WNK1: variants seen among roughly 807,000 people sequenced by gnomAD.
WNK1 encodes the protein WNK lysine deficient protein kinase 1.
Under a neutral mutation model 222.8 loss-of-function variants are expected in WNK1, and 38 were observed. The observed-to-expected ratio is 0.17, with a 90% confidence interval of 0.13 to 0.22. The LOEUF (loss-of-function observed/expected upper bound fraction) is 0.22, where lower values mean the gene tolerates loss of function less well. WNK1 is among the 10% of genes least tolerant of loss of function. WNK1 has a pLI of 1.00. For synonymous variants in WNK1, 1,090 were observed against 1,092.9 expected (o/e 1.00, Z 0.05); for missense variants, 2,348 against 2,918.4 (o/e 0.80, Z 4.50).
intron 26 of WNK1, among the ~76,000 whole-genome samples, chr12:905,816 C>G (rs1955647974): frequency 6.6e-6 from 1 of 152,226 alleles, no homozygotes; most frequent in African/African-American, 2.4e-5. Flanking sequence ...TTACTCTTCC[C>G]TTCACACTGT....
intron 4 of WNK1, chr12:851,314 T>C (rs934909509): frequency 1.0e-6 from 1 of 972,816 alleles, no homozygotes; most frequent in Admixed American, 5.9e-5. Flanking sequence ...CTAGTGTACA[T>C]AGAGTTAAGC....
At chr12:790,130 C>T (rs76776948) in intron 1 of WNK1, among the ~76,000 whole-genome samples, 2,323 of 152,318 alleles carry the variant, frequency 0.015, 59 homozygotes, top group African/African-American at 0.053. Flanking sequence ...AGACTGCCAA[C>T]AGTGCCTGCT....
In WNK1 at chr12:882,924, G is replaced by A; in HGVS notation, c.3373-19G>A. 1 of 1,463,226 alleles carries A rather than the reference G, an allele frequency of 6.8e-7. No individual in the cohort carries two copies. Among genetic ancestry groups the A allele is most frequent in the Non-Finnish European group, 9.6e-7 (1 of 1,042,784 alleles). The allele number at this position is 1,463,226 out of a possible 1,614,324, so 90.6% of individuals were successfully genotyped here. ...GCTGAATATGGTCTTTGGAGATGAT[G>A]TACCTTTTTTCTTTTTAGGTTTCAA... On this transcript the variant is annotated intron_variant, in intron 14 of 27. Coordinates refer to ENST00000315939, the MANE Select transcript of WNK1 (RefSeq NM_018979.4).
Position 752,607 on chromosome 12 carries a change from G to A in WNK1, c.-959G>A, listed in dbSNP as rs897112071. On this transcript the variant is annotated 5_prime_UTR_variant, in exon 1 of 28. Transcript: ENST00000315939. ...CTCCCGGCGCCATTTAGCGCGGAGA[G>A]TTTCCCGGGTGGACGCGGCTCCTCT... 8 of 152,398 alleles carry A rather than the reference G, an allele frequency of 5.2e-5. No homozygotes were observed. The highest frequency in any genetic ancestry group is 1.9e-4 in the African/African-American group (8 of 41,558). 9.4% of individuals were successfully genotyped at this position (152,398 alleles called of 1,614,324 possible).
intron 4 of WNK1, among the ~76,000 whole-genome samples, chr12:842,242 A>G (rs1051291840): frequency 2.6e-5 from 4 of 152,232 alleles, no homozygotes; most frequent in African/African-American, 9.6e-5. Context: ...GAATAGCAGC[A>G]AGTAGAAACT....
chr12:894,106 T>C (rs1013071917), intron 22 of WNK1, among the ~76,000 whole-genome samples: 2 of 151,968 alleles, frequency 1.3e-5, no homozygotes, highest in East Asian at 1.9e-4. Context: ...TAATCCCAGC[T>C]ACTCAGGAGG....
At chr12:804,333 G>C (rs536304106) in intron 1 of WNK1, among the ~76,000 whole-genome samples, 1 of 152,154 alleles carries the variant, frequency 6.6e-6, no homozygotes, top group Admixed American at 6.5e-5. Context: ...GAAGTATACA[G>C]TTTTGTGGCA....
intron 4 of WNK1, among the ~76,000 whole-genome samples, chr12:849,358 A>G (rs1950252148): frequency 6.6e-6 from 1 of 152,206 alleles, no homozygotes; most frequent in Non-Finnish European, 1.5e-5. Flanking sequence ...TTAATCTGTT[A>G]CCCATTACAA....
At position 879,849 on chromosome 12, in the gene WNK1, G is replaced by A. The variant is rs1269435010; in HGVS notation, c.2650G>A (p.Ala884Thr). The change falls in exon 11 of 28, where the codon GCG (alanine) becomes ACG (threonine). Residue 884 changes from alanine to threonine, a missense_variant. Ala to Thr is a moderately conservative substitution (Grantham distance 58). Transcript: ENST00000315939. The stretch of plus-strand genomic sequence containing the variant: ...GTTGGCTTCATCTGCTACAACAGCT[G>A]CGATCCCGGGGGTATCAACTGTGGT... ...LTLASSATTA[A>T]IPGVSTVVPS... 3 of 1,613,936 alleles carry A rather than the reference G, an allele frequency of 1.9e-6. No homozygotes were observed. Among genetic ancestry groups the A allele is most frequent in the Non-Finnish European group, 1.7e-6 (2 of 1,180,024 alleles).
intron 3 of WNK1, among the ~76,000 whole-genome samples, chr12:828,377 AGTTG>A (rs899690291): frequency 6.6e-6 from 1 of 152,176 alleles, no homozygotes; most frequent in African/African-American, 2.4e-5. Context: ...CATTCTGAAA[AGTTG>A]GTTTTATCAA....
chr12:756,115 T>G (rs1238518747), intron 1 of WNK1, among the ~76,000 whole-genome samples: 1 of 152,262 alleles, frequency 6.6e-6, no homozygotes, highest in African/African-American at 2.4e-5. Context: ...ATTCTTCCAT[T>G]ATAGTTTTAT....
chr12:778,969 G>A (rs562204743), intron 1 of WNK1, among the ~76,000 whole-genome samples: 60 of 152,162 alleles, frequency 3.9e-4, no homozygotes, highest in Non-Finnish European at 4.3e-4. Flanking sequence ...ACATTACAGG[G>A]GGAGCAAACA....
intron 4 of WNK1, 95 bp downstream of exon 4, chr12:830,255 T>A: frequency 7.1e-7 from 1 of 1,398,844 alleles, no homozygotes; most frequent in Non-Finnish European, 1.0e-6. Flanking sequence ...AGGACAATAG[T>A]GGAAGGCATA....
chr12:896,157 A>G lies in WNK1; in HGVS notation c.5670A>G (p.Ser1890=). 6.2e-7 allele frequency: 1 copy of G among 1,614,218 alleles called. No individual in the cohort carries two copies. The highest frequency in any genetic ancestry group is 1.1e-5 in the South Asian group (1 of 91,088). The change falls in exon 24 of 28, where the codon TCA becomes TCG. Residue 1890 remains serine, a synonymous_variant. Coordinates refer to ENST00000315939, the MANE Select transcript of WNK1 (RefSeq NM_018979.4). ...CTGTTCATTTTGAATCCAGCACCTC[A>G]GAGTCCTCAGTGCTATCAAGTAGTA... is the stretch of plus-strand genomic sequence containing the variant. ...AKSVHFESST[S]ESSVLSSSSP...
At position 908,449 on chromosome 12, in the gene WNK1, T is replaced by C. The variant is rs551050548; in HGVS notation, c.6832-26T>C. The C allele has an allele frequency of 9.9e-6, 16 of 1,613,710 alleles. No individual in the cohort carries two copies. In the South Asian group the frequency reaches 1.6e-4, roughly 17 times the overall value. ...TTTTATACCATGGCCCACACCAGAC[T>C]TGACACGTGGTGGTTTTGTTTTCAG... On this transcript the variant is annotated intron_variant, in intron 27 of 27. Transcript: ENST00000315939.
At chr12:883,167 G>A in intron 15 of WNK1, 108 bp downstream of exon 15, 1 of 1,017,208 alleles carries the variant, frequency 9.8e-7, no homozygotes, top group Non-Finnish European at 1.6e-6. Flanking sequence ...TTAAAGTTAT[G>A]CATTTACTTC....
At chr12:760,804 C>T (rs1266807267) in intron 1 of WNK1, among the ~76,000 whole-genome samples, 6 of 146,054 alleles carry the variant, frequency 4.1e-5, no homozygotes, top group East Asian at 3.9e-4. Flanking sequence ...CTTGCTCTGT[C>T]GCCCAGGCTG....
chr12:908,850 GGT>G lies in WNK1; in HGVS notation c.*60_*61del. ...CAGGAGATGGAATGCTGAGGGGGTG[GGT>G]GGGGGTGGGAAGTAGCCTATATACT... On this transcript the variant is annotated 3_prime_UTR_variant, in exon 28 of 28. Transcript: ENST00000315939. The G allele has an allele frequency of 7.6e-7, 1 of 1,322,110 alleles. No homozygotes were observed. Among genetic ancestry groups the G allele is most frequent in the Non-Finnish European group, 1.1e-6 (1 of 922,940 alleles). The allele number at this position is 1,322,110 out of a possible 1,614,324, so 81.9% of individuals were successfully genotyped here.
intron 4 of WNK1, chr12:851,539 G>A: frequency 8.5e-7 from 1 of 1,175,832 alleles, no homozygotes; most frequent in Non-Finnish European, 1.1e-6. Context: ...GCAAATTCCT[G>A]TCTGAGAGTT....
Sources: allele counts gnomAD v4.1 joint callset (sites outside exome capture counted in the v4.1 genomes callset), GRCh38; gene constraint gnomAD v4.1.1; transcripts MANE v1.5; gene names NCBI Gene and HGNC (gene_info 2026-07-23, HGNC 2026-07-21).